Variants in CFTR observed in about 807,000 individuals in gnomAD.
CFTR encodes cystic fibrosis transmembrane conductance regulator.
Under a neutral mutation model 171.6 loss-of-function variants are expected in CFTR, and 181 were observed. The ratio of observed to expected loss-of-function variants is 1.05; its 90% CI spans 0.93 to 1.19. The LOEUF is 1.19. CFTR is among the 50% of genes most tolerant of loss of function. CFTR has a pLI of 0.00. For missense variants in CFTR, 1,968 were observed against 1,734.7 expected, an observed-to-expected ratio of 1.13 and a Z score of -2.39; for synonymous variants, 583 against 608.0, an observed-to-expected ratio of 0.96 and a Z score of 0.60.
At chr7:117,549,467 G>A (rs1799231604) in intron 10 of CFTR, among the ~76,000 whole-genome samples, 1 of 152,160 alleles carries the variant, frequency 6.6e-6, no homozygotes, top group African/African-American at 2.4e-5. Context: ...TTTATTGTCA[G>A]GAGAAGACTT....
In CFTR at chr7:117,652,860, G is replaced by A; in HGVS notation, c.3892G>A (p.Gly1298Arg). The change falls in exon 24 of 27, where the codon GGA becomes AGA. Residue 1298 changes from glycine to arginine, a missense_variant. By Grantham distance (125) the Gly-to-Arg change is moderately radical (BLOSUM62 -2). Coordinates refer to ENST00000003084, the MANE Select transcript of CFTR (RefSeq NM_000492.4). ...VIPQKVFIFS[G>R]TFRKNLDPYE... ...GCTATAGAAAGTATTTATTTTTTCT[G>A]GAACATTTAGAAAAAACTTGGATCC... 6.4e-7 allele frequency: 1 copy of A among 1,552,498 alleles called. No homozygotes were observed. The highest frequency in any genetic ancestry group is 8.9e-7 in the Non-Finnish European group (1 of 1,127,442).
rs144235531 is a variant in CFTR, at chr7:117,570,678, A to T, written c.1584+11023A>T. ...GCTATGCCCTATTAGTGTTCATATT[A>T]GAAAAGAAATTCTATCTCAGACACT... On this transcript the variant is annotated intron_variant, in intron 11 of 26. Transcript: ENST00000003084. 5.1e-4 allele frequency among the ~76,000 whole-genome samples: 78 copies of T among 152,330 alleles called. 1 individual carries two copies. The highest frequency in any genetic ancestry group is 1.9e-3 in the African/African-American group (77 of 41,580).
intron 1 of CFTR, among the ~76,000 whole-genome samples, chr7:117,502,163 C>T (rs570391804): frequency 6.6e-6 from 1 of 152,306 alleles, no homozygotes; most frequent in African/African-American, 2.4e-5. Flanking sequence ...CTTTCAGGCT[C>T]CTCTCCCAGC....
intron 7 of CFTR, among the ~76,000 whole-genome samples, chr7:117,539,151 G>T (rs936331165): frequency 6.6e-6 from 1 of 152,130 alleles, no homozygotes; most frequent in Non-Finnish European, 1.5e-5. Flanking sequence ...AGGATCACAA[G>T]TGACTCCAAT....
At chr7:117,519,957 G>A (rs543380204) in intron 3 of CFTR, among the ~76,000 whole-genome samples, 5 of 151,952 alleles carry the variant, frequency 3.3e-5, no homozygotes, top group Non-Finnish European at 5.9e-5. Context: ...CAGAAAAGGT[G>A]CACTACTATT....
intron 22 of CFTR, among the ~76,000 whole-genome samples, chr7:117,629,973 G>C (rs978558907): frequency 2.6e-5 from 4 of 152,172 alleles, no homozygotes; most frequent in African/African-American, 4.8e-5. Flanking sequence ...AGATACCATT[G>C]CTCCTCTTTA....
intron 20 of CFTR, among the ~76,000 whole-genome samples, chr7:117,612,050 T>TATATAC (rs1792413917): frequency 1.3e-5 from 1 of 74,288 alleles, no homozygotes; most frequent in Non-Finnish European, 2.7e-5. Context: ...TATATATATA[T>TATATAC]ATACATATAT....
chr7:117,611,283 G>A (rs1241761212), intron 19 of CFTR, among the ~76,000 whole-genome samples: 1 of 151,974 alleles, frequency 6.6e-6, no homozygotes, highest in African/African-American at 2.4e-5. Flanking sequence ...TTTTTAGTAA[G>A]AATTAATTTA....
chr7:117,523,673 G>A (rs937757110), intron 3 of CFTR, among the ~76,000 whole-genome samples: 7 of 152,108 alleles, frequency 4.6e-5, no homozygotes, highest in African/African-American at 7.2e-5. Flanking sequence ...CACCGCGCCC[G>A]GCCCCTGTCT....
intron 2 of CFTR, among the ~76,000 whole-genome samples, chr7:117,507,866 A>AC (rs530176879): frequency 2.6e-5 from 4 of 152,148 alleles, no homozygotes; most frequent in Non-Finnish European, 4.4e-5. Flanking sequence ...ATCTCAGCTC[A>AC]CTGCAAACTC....
chr7:117,492,195 T>C (rs1056304328), intron 1 of CFTR, among the ~76,000 whole-genome samples: 2 of 152,026 alleles, frequency 1.3e-5, no homozygotes, highest in Non-Finnish European at 2.9e-5. Context: ...AAACATTTTA[T>C]TGAGGACAAT....
intron 22 of CFTR, among the ~76,000 whole-genome samples, chr7:117,638,334 T>A (rs535409990): frequency 9.2e-5 from 14 of 152,332 alleles, no homozygotes; most frequent in South Asian, 8.3e-4. Flanking sequence ...AGTCCTGTTT[T>A]TTTATTTTTT....
At chr7:117,608,530 C>T (rs1792336278) in intron 18 of CFTR, among the ~76,000 whole-genome samples, 1 of 152,072 alleles carries the variant, frequency 6.6e-6, no homozygotes, top group Non-Finnish European at 1.5e-5. Flanking sequence ...ACTTTTAATG[C>T]TAAGATTCAT....
intron 18 of CFTR, among the ~76,000 whole-genome samples, chr7:117,607,896 C>G (rs962969459): frequency 6.6e-6 from 1 of 152,092 alleles, no homozygotes; most frequent in Non-Finnish European, 1.5e-5. Flanking sequence ...TAAATCCATG[C>G]GTTGAATTCA....
chr7:117,483,838 T>C (rs903167651), intron 1 of CFTR, among the ~76,000 whole-genome samples: 1 of 152,102 alleles, frequency 6.6e-6, no homozygotes, highest in Non-Finnish European at 1.5e-5. Context: ...TCTCCCAAAG[T>C]GCTGGGATTA....
At chr7:117,582,970 T>A (rs1473435548) in intron 11 of CFTR, among the ~76,000 whole-genome samples, 1 of 152,116 alleles carries the variant, frequency 6.6e-6, no homozygotes, top group Non-Finnish European at 1.5e-5. Context: ...ACCTTATTCA[T>A]ATGGGAAAGA....
chr7:117,507,260 C>G (rs1401408130), intron 2 of CFTR, among the ~76,000 whole-genome samples: 1 of 152,188 alleles, frequency 6.6e-6, no homozygotes, highest in Non-Finnish European at 1.5e-5. Context: ...GCCTTCTCCT[C>G]AGGTAACTAC....
At position 117,595,045 on chromosome 7, in the gene CFTR, T is replaced by G. The variant is rs1390324427; in HGVS notation, c.2606T>G (p.Ile869Ser). Residue 869 changes from isoleucine to serine, a missense_variant, in exon 15 of 27, where the codon ATT becomes AGT. Physicochemically the swap from Ile to Ser is moderately radical, Grantham distance 142. Coordinates refer to ENST00000003084, the MANE Select transcript of CFTR (RefSeq NM_000492.4). Reference protein sequence around the residue: ...LIFVLIWCLVIFLAEVAASLV... With the variant: ...LIFVLIWCLVSFLAEVAASLV... The stretch of plus-strand genomic sequence containing the variant: ...TTTGTGCTAATTTGGTGCTTAGTAA[T>G]TTTTCTGGCAGAGGTAAGAATGTTC... 6.2e-7 allele frequency: 1 copy of G among 1,612,416 alleles called. No homozygotes were observed. The highest frequency in any genetic ancestry group is 1.3e-5 in the African/African-American group (1 of 74,994).
intron 3 of CFTR, among the ~76,000 whole-genome samples, chr7:117,521,829 T>C (rs1798690136): frequency 6.6e-6 from 1 of 152,136 alleles, no homozygotes; most frequent in Admixed American, 6.6e-5. Flanking sequence ...GAGTTCAGGT[T>C]TCTATTTTTT....
Sources: gnomAD v4.1 joint callset for allele counts (sites outside exome capture counted in the v4.1 genomes callset) on GRCh38, gnomAD v4.1.1 for gene constraint, MANE v1.5 for transcripts, NCBI Gene and HGNC (gene_info 2026-07-23, HGNC 2026-07-21) for gene names.